ABHD2: variants seen among roughly 807,000 people sequenced by gnomAD.
The protein encoded by ABHD2 is abhydrolase domain containing 2, acylglycerol lipase.
Under a neutral mutation model 48.1 loss-of-function variants are expected in ABHD2, and 20 were observed. The ratio of observed to expected loss-of-function variants is 0.42; its 90% CI spans 0.29 to 0.60. ABHD2 has a LOEUF of 0.60. ABHD2 is among the 20% of genes least tolerant of loss of function. ABHD2 has a pLI of 0.24. For missense variants in ABHD2, 405 were observed against 550.9 expected, an observed-to-expected ratio of 0.74 and a Z score of 2.65; for synonymous variants, 209 against 214.2, an observed-to-expected ratio of 0.98 and a Z score of 0.21.
chr15:89,143,691 A>C (rs1029105291), intron 3 of ABHD2, among the ~76,000 whole-genome samples: 1 of 150,744 alleles, frequency 6.6e-6, no homozygotes, highest in Admixed American at 6.6e-5. Context: ...CTCAAAACAA[A>C]AAAAAAAAAA....
At chr15:89,147,208 T>C (rs1282267100) in intron 3 of ABHD2, among the ~76,000 whole-genome samples, 1 of 152,118 alleles carries the variant, frequency 6.6e-6, no homozygotes. Flanking sequence ...TGAGCTAGTC[T>C]GTCAGAAAAA....
Position 89,192,403 on chromosome 15 carries a change from G to A in ABHD2, c.997-832G>A, listed in dbSNP as rs1270230575. Among the ~76,000 whole-genome samples, 5 of 152,244 alleles carry A rather than the reference G, an allele frequency of 3.3e-5. No individual in the cohort carries two copies. The South Asian group carries it at 8.3e-4, about 25-fold the overall frequency. ...CATCTCCACTAAAATGAAAAAGAAGGCTATTGGCTGTTTTAGTAAAGTGGA... is the reference window on the plus strand; with the variant it reads ...CATCTCCACTAAAATGAAAAAGAAGACTATTGGCTGTTTTAGTAAAGTGGA... On this transcript the variant is annotated intron_variant, in intron 9 of 10. Transcript: ENST00000352732.
chr15:89,158,643 G>A (rs2050712772), intron 5 of ABHD2, among the ~76,000 whole-genome samples: 1 of 152,170 alleles, frequency 6.6e-6, no homozygotes, highest in Non-Finnish European at 1.5e-5. Context: ...GTGGGTTACT[G>A]AGGACTTGGT....
At chr15:89,053,592 CAAA>C in the ABHD2 span, among the ~76,000 whole-genome samples, 3 of 152,054 alleles carry the variant, frequency 2.0e-5, no homozygotes, top group Admixed American at 6.6e-5. Context: ...GTAAGGCCCT[CAAA>C]GAAGGTGGAC....
chr15:89,095,511 G>C (rs1355534521), intron 1 of ABHD2, among the ~76,000 whole-genome samples: 2 of 152,312 alleles, frequency 1.3e-5, no homozygotes, highest in East Asian at 3.9e-4. Context: ...CTGAGGAGTG[G>C]GAGGGGGCTG....
intron 3 of ABHD2, among the ~76,000 whole-genome samples, chr15:89,133,375 G>A (rs962549438): frequency 3.3e-5 from 5 of 152,126 alleles, no homozygotes; most frequent in East Asian, 1.9e-4. Context: ...ATCACGATGC[G>A]CACCTGTCAG....
upstream of ABHD2, among the ~76,000 whole-genome samples, chr15:89,084,077 T>C (rs552295019): frequency 6.6e-6 from 1 of 152,286 alleles, no homozygotes; most frequent in South Asian, 2.1e-4. The surrounding 1 kb of genome is among the most constrained non-coding windows in gnomAD (Gnocchi z 4.4). Flanking sequence ...GCCTCATCCT[T>C]TCCATTTCCC....
chr15:89,187,191 A>C (rs2051225163), intron 7 of ABHD2, among the ~76,000 whole-genome samples: 1 of 152,246 alleles, frequency 6.6e-6, no homozygotes, highest in African/African-American at 2.4e-5. Flanking sequence ...CCTCCCAGGA[A>C]ACATTTGTTT....
chr15:89,129,303 G>A (rs1481606547), intron 3 of ABHD2, among the ~76,000 whole-genome samples: 1 of 152,050 alleles, frequency 6.6e-6, no homozygotes, highest in African/African-American at 2.4e-5. Context: ...GGTAGGGAGA[G>A]AACCAGCAGC....
the ABHD2 span, among the ~76,000 whole-genome samples, chr15:89,062,278 AGGTTGTTCG>A: frequency 6.6e-6 from 1 of 151,664 alleles, no homozygotes; most frequent in Admixed American, 6.6e-5. Flanking sequence ...AGGAATATAA[AGGTTGTTCG>A]GGCATTCGGG....
intron 5 of ABHD2, among the ~76,000 whole-genome samples, chr15:89,156,830 C>T (rs1422376162): frequency 6.6e-6 from 1 of 151,950 alleles, no homozygotes; most frequent in Non-Finnish European, 1.5e-5. Flanking sequence ...AAACAATAAA[C>T]ACATAAAATA....
Position 89,176,074 on chromosome 15 carries a change from C to CTGTGT in ABHD2, c.722+83_722+84insTTGTG, listed in dbSNP as rs1036267202. 1 of 1,410,992 alleles carries CTGTGT rather than the reference C, an allele frequency of 7.1e-7. No homozygotes were observed. Among genetic ancestry groups the CTGTGT allele is most frequent in the Non-Finnish European group, 9.6e-7 (1 of 1,043,514 alleles). The allele number at this position is 1,410,992 out of a possible 1,614,324, so 87.4% of individuals were successfully genotyped here. A position where few individuals can be genotyped will look rare whatever the true frequency, so the allele number is the denominator to read the frequency against. On this transcript the variant is annotated intron_variant, in intron 6 of 10. Transcript: ENST00000352732. This position sits in a 1 kb window ranked among gnomAD's most constrained non-coding sequence, Gnocchi z 4.5. ...ATGCCCCGACGCACAACACACTGTT[C>CTGTGT]TGTGAAGACCGGGGAACACTGTGGC...
At position 89,158,018 on chromosome 15, in the gene ABHD2, AGATT is replaced by A. The variant is rs565275224; in HGVS notation, c.538+2486_538+2489del. On this transcript the variant is annotated intron_variant, in intron 5 of 10. Transcript: ENST00000352732. The stretch of plus-strand genomic sequence containing the variant: ...GGTAATGTCCTGTGCTTGGATATAT[AGATT>A]GTCTATACAAGTAGAAGATGGGGAG... Among the ~76,000 whole-genome samples the A allele has an allele frequency of 2.6e-5, 4 of 152,106 alleles. No homozygotes were observed. The East Asian group carries it at 7.8e-4, about 29-fold the overall frequency.
chr15:89,178,474 G>A (rs569733204), intron 6 of ABHD2, among the ~76,000 whole-genome samples: 31 of 152,282 alleles, frequency 2.0e-4, no homozygotes, highest in African/African-American at 4.6e-4. Flanking sequence ...GAGTTCATGC[G>A]TCTGGTAAAT....
At chr15:89,069,492 C>G in the ABHD2 span, among the ~76,000 whole-genome samples, 1 of 151,886 alleles carries the variant, frequency 6.6e-6, no homozygotes, top group Non-Finnish European at 1.5e-5. Context: ...TTGTGTTTCT[C>G]TGACCCTCGA....
chr15:89,201,500 G>C lies in ABHD2; in HGVS notation c.*6077G>C. 1 of 1,582,800 alleles carries C rather than the reference G, an allele frequency of 6.3e-7. No homozygotes were observed. Among genetic ancestry groups the C allele is most frequent in the East Asian group, 2.2e-5 (1 of 44,742 alleles). ...GCTTCCATATCTGAAGTGTTTAGTG[G>C]AGCAAAAATTGTACCATAAACTTGT... is the stretch of plus-strand genomic sequence containing the variant. On this transcript the variant is annotated 3_prime_UTR_variant, in exon 11 of 11. Coordinates refer to ENST00000352732, the MANE Select transcript of ABHD2 (RefSeq NM_152924.5).
At chr15:89,108,529 A>G (rs1331012165) in intron 1 of ABHD2, among the ~76,000 whole-genome samples, 1 of 152,236 alleles carries the variant, frequency 6.6e-6, no homozygotes, top group Non-Finnish European at 1.5e-5. Context: ...TCAGATGGAC[A>G]TGAATTTTGT....
At chr15:89,181,175 G>A (rs532039021) in intron 6 of ABHD2, among the ~76,000 whole-genome samples, 96 of 123,646 alleles carry the variant, frequency 7.8e-4, no homozygotes, top group African/African-American at 2.8e-3. Context: ...GCAGTGAGCC[G>A]AGATCATGCC....
chr15:89,143,652 C>T (rs553661676), intron 3 of ABHD2, among the ~76,000 whole-genome samples: 1 of 150,420 alleles, frequency 6.6e-6, no homozygotes, highest in East Asian at 2.0e-4. Context: ...CATTGCACTC[C>T]AGCCTGGGCA....
Sources: allele counts gnomAD v4.1 joint callset (sites outside exome capture counted in the v4.1 genomes callset), GRCh38; gene constraint gnomAD v4.1.1; non-coding constraint Gnocchi (gnomAD v3.1); transcripts MANE v1.5; gene names NCBI Gene and HGNC (gene_info 2026-07-23, HGNC 2026-07-21).